Variants in GALNT13 observed in about 807,000 individuals in gnomAD.
GALNT13 encodes polypeptide N-acetylgalactosaminyltransferase 13.
A neutral mutation model predicts 64.2 loss-of-function variants in GALNT13; 28 were observed. The ratio of observed to expected loss-of-function variants is 0.44; its 90% CI spans 0.32 to 0.60. The LOEUF is 0.60. GALNT13 is among the 20% of genes least tolerant of loss of function. GALNT13 has a pLI of 0.05. For synonymous variants in GALNT13, 214 were observed against 224.6 expected, an observed-to-expected ratio of 0.95 and a Z score of 0.42; for missense variants, 577 against 669.8, an observed-to-expected ratio of 0.86 and a Z score of 1.53.
the GALNT13 span, among the ~76,000 whole-genome samples, chr2:153,345,797 C>CCT: frequency 1.4e-5 from 2 of 140,114 alleles, no homozygotes; most frequent in Non-Finnish European, 1.5e-5. Flanking sequence ...CTCTTTCTTT[C>CCT]TCTCTTTCTT....
chr2:154,056,883 ATTTAT>A (rs1241271519), intron 3 of GALNT13, among the ~76,000 whole-genome samples: 1 of 151,884 alleles, frequency 6.6e-6, no homozygotes, highest in Non-Finnish European at 1.5e-5. Flanking sequence ...ATATAAATTA[ATTTAT>A]TTTAGTTTTA....
the GALNT13 span, among the ~76,000 whole-genome samples, chr2:153,492,158 A>C: frequency 2.0e-5 from 3 of 152,198 alleles, no homozygotes; most frequent in African/African-American, 7.2e-5. Flanking sequence ...AGTCTTCTCA[A>C]ATCCAACCAT....
intron 11 of GALNT13, among the ~76,000 whole-genome samples, chr2:154,428,461 A>G (rs1700564422): frequency 6.6e-6 from 1 of 152,214 alleles, no homozygotes; most frequent in South Asian, 2.1e-4. Flanking sequence ...CACCAAATAT[A>G]CATGTAGACA....
chr2:153,242,381 GAAAGGA>G, the GALNT13 span, among the ~76,000 whole-genome samples: 6 of 152,072 alleles, frequency 3.9e-5, no homozygotes, highest in South Asian at 2.1e-4. Flanking sequence ...AAGAAAGAAA[GAAAGGA>G]AAAGGAAAAG....
the GALNT13 span, among the ~76,000 whole-genome samples, chr2:153,103,794 T>C: frequency 2.0e-5 from 3 of 152,224 alleles, no homozygotes; most frequent in Non-Finnish European, 4.4e-5. Context: ...ATACCTAGAT[T>C]GTGTTTGGGA....
chr2:153,098,496 C>T, the GALNT13 span, among the ~76,000 whole-genome samples: 3 of 152,130 alleles, frequency 2.0e-5, no homozygotes, highest in African/African-American at 7.2e-5. Context: ...CATTCCTATA[C>T]ATAATATTTT....
the GALNT13 span, among the ~76,000 whole-genome samples, chr2:153,127,611 T>A: frequency 3.3e-5 from 5 of 152,214 alleles, no homozygotes; most frequent in East Asian, 9.6e-4. Context: ...TTCATCTTTT[T>A]ACTTTCAATT....
At chr2:153,945,892 A>G (rs1396940100) in intron 3 of GALNT13, among the ~76,000 whole-genome samples, 1 of 152,170 alleles carries the variant, frequency 6.6e-6, no homozygotes, top group Non-Finnish European at 1.5e-5. Context: ...CTTGCATTTT[A>G]GATTTTGACT....
At chr2:153,208,624 CT>C in the GALNT13 span, among the ~76,000 whole-genome samples, 2 of 151,944 alleles carry the variant, frequency 1.3e-5, no homozygotes, top group South Asian at 4.2e-4. Context: ...GAATGTGAGT[CT>C]TTGTGTAGGC....
At chr2:154,320,366 T>A (rs1302469459) in intron 9 of GALNT13, among the ~76,000 whole-genome samples, 2 of 152,176 alleles carry the variant, frequency 1.3e-5, no homozygotes. Flanking sequence ...CATTATGCTT[T>A]CCCATGTTTA....
At chr2:153,935,820 C>G (rs2105366330) in intron 2 of GALNT13, among the ~76,000 whole-genome samples, 1 of 152,300 alleles carries the variant, frequency 6.6e-6, no homozygotes, top group East Asian at 1.9e-4. Context: ...TTAACCCATC[C>G]TCTTCCCCAC....
intron 9 of GALNT13, among the ~76,000 whole-genome samples, chr2:154,386,733 G>A (rs1698531509): frequency 6.6e-6 from 1 of 151,908 alleles, no homozygotes; most frequent in South Asian, 2.1e-4. Context: ...TGTCTCAATG[G>A]ATATCAAATT....
rs1269327631 is a variant in GALNT13, at chr2:154,259,063, C to G, written c.900C>G (p.Asn300Lys). The G allele has an allele frequency of 6.2e-7, 1 of 1,608,636 alleles. No homozygotes were observed. Among genetic ancestry groups the G allele is most frequent in the Non-Finnish European group, 8.5e-7 (1 of 1,177,116 alleles). Reference protein sequence around the residue: ...MAGGLFSIDRNYFEEIGTYDA... With the variant: ...MAGGLFSIDRKYFEEIGTYDA... ...GTGGCCTATTTTCTATTGACAGAAA[C>G]TACTTTGAAGAGATAGGAACTTACG... The change falls in exon 8 of 13, where the codon AAC becomes AAG. Residue 300 changes from asparagine to lysine, a missense_variant. Asn to Lys is a moderately conservative substitution (Grantham distance 94). This residue lies in a region of GALNT13 where 341 missense variants were observed against 379.3 expected (regional missense o/e 0.90). Transcript: ENST00000392825.
At chr2:153,124,784 G>A in the GALNT13 span, among the ~76,000 whole-genome samples, 341 of 152,196 alleles carry the variant, frequency 2.2e-3, 2 homozygotes, top group African/African-American at 8.1e-3. Context: ...TTACAGGTGT[G>A]AGCCACCATG....
the GALNT13 span, among the ~76,000 whole-genome samples, chr2:153,689,070 A>ATG: frequency 0.18 from 22,446 of 127,528 alleles, 2,046 homozygotes; most frequent in African/African-American, 0.3. Flanking sequence ...CCGCGTGTGT[A>ATG]TGTGTGTGTG....
intron 4 of GALNT13, 32 bp downstream of exon 4, chr2:154,140,537 A>G (rs1683203175): frequency 7.0e-7 from 1 of 1,424,916 alleles, no homozygotes; most frequent in Non-Finnish European, 9.8e-7. Flanking sequence ...AATCTTTTAT[A>G]TTCATAATCA....
intron 8 of GALNT13, among the ~76,000 whole-genome samples, chr2:154,290,727 C>G (rs900541137): frequency 2.1e-4 from 32 of 152,150 alleles, no homozygotes; most frequent in African/African-American, 7.7e-4. Flanking sequence ...GCTGCGGACC[C>G]TTGCAGTGAG....
chr2:154,273,272 A>T (rs964406704), intron 8 of GALNT13, among the ~76,000 whole-genome samples: 5 of 152,198 alleles, frequency 3.3e-5, no homozygotes, highest in African/African-American at 1.2e-4. Context: ...TTGGGCTGAT[A>T]CCAGATGACA....
At chr2:153,890,900 C>G (rs1350196228) in intron 1 of GALNT13, among the ~76,000 whole-genome samples, 2 of 151,994 alleles carry the variant, frequency 1.3e-5, no homozygotes, top group Non-Finnish European at 2.9e-5. Flanking sequence ...CATTTATTCT[C>G]TGACCCTTAA....
Sources: allele counts gnomAD v4.1 joint callset (sites outside exome capture counted in the v4.1 genomes callset), GRCh38; gene constraint gnomAD v4.1.1; regional missense constraint gnomAD v4.1.1; transcripts MANE v1.5; gene names NCBI Gene and HGNC (gene_info 2026-07-23, HGNC 2026-07-21).